Variants in SH3RF2 observed in about 807,000 individuals in gnomAD.
The protein encoded by SH3RF2 is E3 ubiquitin-protein ligase SH3RF2.
In SH3RF2, 43 loss-of-function variants were observed where a neutral mutation model predicts 59.0. The observed-to-expected ratio is 0.73, with a 90% confidence interval of 0.57 to 0.94. SH3RF2 has a LOEUF of 0.94. SH3RF2 is among the 40% of genes least tolerant of loss of function. The pLI, the probability that SH3RF2 is intolerant of heterozygous loss-of-function variation, is 0.00. For missense variants in SH3RF2, 930 were observed against 940.1 expected (o/e 0.99, Z 0.14); for synonymous variants, 391 against 391.5 (o/e 1.00, Z 0.01).
chr5:145,971,375 G>A (rs1759073769), intron 2 of SH3RF2, among the ~76,000 whole-genome samples: 1 of 152,200 alleles, frequency 6.6e-6, no homozygotes, highest in African/African-American at 2.4e-5. Context: ...GGAGCTAGTT[G>A]AGGAAAAAAG....
At chr5:146,015,178 TC>T (rs1761055795) in intron 5 of SH3RF2, among the ~76,000 whole-genome samples, 1 of 152,094 alleles carries the variant, frequency 6.6e-6, no homozygotes, top group East Asian at 1.9e-4. Flanking sequence ...AGTCAAGGGC[TC>T]CTCAAAGACC....
intron 7 of SH3RF2, among the ~76,000 whole-genome samples, chr5:146,050,706 T>C (rs551109711): frequency 6.6e-6 from 1 of 152,368 alleles, no homozygotes; most frequent in Admixed American, 6.5e-5. Context: ...GCTTACATTC[T>C]AGTGGGAGAG....
intron 5 of SH3RF2, 83 bp from the exon 6 acceptor site, chr5:146,047,689 T>C (rs950714761): frequency 1.7e-5 from 23 of 1,322,916 alleles, no homozygotes; most frequent in East Asian, 2.4e-5. Flanking sequence ...GTGTCAGGTC[T>C]TTCTACGTAG....
At chr5:145,960,199 T>C (rs2149953220) in intron 2 of SH3RF2, among the ~76,000 whole-genome samples, 1 of 152,300 alleles carries the variant, frequency 6.6e-6, no homozygotes, top group South Asian at 2.1e-4. Context: ...ACTATAGGAA[T>C]GTGCCACTAT....
intron 2 of SH3RF2, among the ~76,000 whole-genome samples, chr5:145,999,698 A>C (rs1760315913): frequency 6.6e-6 from 1 of 152,088 alleles, no homozygotes; most frequent in Non-Finnish European, 1.5e-5. Context: ...TTTATCGACG[A>C]AGTTTGCTGT....
intron 2 of SH3RF2, among the ~76,000 whole-genome samples, chr5:145,992,710 A>G (rs898769005): frequency 1.3e-4 from 20 of 152,138 alleles, no homozygotes; most frequent in Non-Finnish European, 8.8e-5. Context: ...CTTATTCACT[A>G]TCATAAGAAC....
At chr5:145,952,199 A>G (rs1458168983) in intron 2 of SH3RF2, among the ~76,000 whole-genome samples, 2 of 152,076 alleles carry the variant, frequency 1.3e-5, no homozygotes, top group East Asian at 3.9e-4. Flanking sequence ...CTCTCTTTAA[A>G]CCACCTGTAA....
exon 10 of SH3RF2, chr5:146,079,823 G>C (rs556554324): frequency 6.6e-6 from 1 of 152,378 alleles, no homozygotes; most frequent in East Asian, 1.9e-4. Context: ...CCAAGTGGTA[G>C]GTGAGAAGGG....
At chr5:146,005,138 CT>C (rs1255237244) in intron 4 of SH3RF2, among the ~76,000 whole-genome samples, 1 of 151,810 alleles carries the variant, frequency 6.6e-6, no homozygotes, top group Non-Finnish European at 1.5e-5. Flanking sequence ...ATATTTATTA[CT>C]TCTGTTTTTT....
intron 9 of SH3RF2, 118 bp from the exon 10 acceptor site, chr5:146,062,308 G>C (rs1580943484): frequency 7.7e-7 from 1 of 1,303,560 alleles, no homozygotes; most frequent in South Asian, 1.4e-5. Flanking sequence ...GACACTCATG[G>C]TAGCCACAGA....
intron 9 of SH3RF2, among the ~76,000 whole-genome samples, chr5:146,078,040 CT>C (rs777798448): frequency 1.3e-5 from 2 of 152,032 alleles, no homozygotes; most frequent in Non-Finnish European, 2.9e-5. Context: ...AAAGCTCTCC[CT>C]TATGGTCAAG....
intron 5 of SH3RF2, chr5:146,043,871 G>T (rs1303022386): frequency 6.6e-6 from 1 of 152,114 alleles, no homozygotes; most frequent in African/African-American, 2.4e-5. Context: ...GGCATTTGGG[G>T]GTGTTTCTAG....
At chr5:145,989,556 A>G (rs1028688816) in intron 2 of SH3RF2, among the ~76,000 whole-genome samples, 1 of 152,356 alleles carries the variant, frequency 6.6e-6, no homozygotes. Context: ...GAAATGATAC[A>G]TAACTTGAGT....
chr5:145,999,478 A>G (rs1008056544), intron 2 of SH3RF2, among the ~76,000 whole-genome samples: 5 of 152,192 alleles, frequency 3.3e-5, no homozygotes, highest in Non-Finnish European at 5.9e-5. Context: ...AGCTTTAGTC[A>G]TGCCTTCCTC....
At chr5:146,039,562 A>T (rs989122410) in intron 5 of SH3RF2, among the ~76,000 whole-genome samples, 4 of 152,098 alleles carry the variant, frequency 2.6e-5, no homozygotes, top group Admixed American at 2.0e-4. Context: ...AGCATTTCAC[A>T]CCCACCCAAT....
chr5:145,936,629 CGCAGCGCACCCCTGCT>C lies in SH3RF2; in HGVS notation c.-169_-154del, dbSNP rs1757594527. 2 of 152,592 alleles carry C rather than the reference CGCAGCGCACCCCTGCT, an allele frequency of 1.3e-5. No homozygotes were observed. Among genetic ancestry groups the C allele is most frequent in the East Asian group, 3.9e-4 (2 of 5,184 alleles). 9.5% of individuals were successfully genotyped at this position (152,592 alleles called of 1,614,324 possible). A position where few individuals can be genotyped will look rare whatever the true frequency, so the allele number is the denominator to read the frequency against. ...GGAGGAAAGGAAGCCGGTTGGAGGG[CGCAGCGCACCCCTGCT>C]GCGCGGAGGAGGGGGCTGAGCTGAA... On this transcript the variant is annotated 5_prime_UTR_variant, in exon 1 of 10. Transcript: ENST00000359120.
At chr5:146,026,706 G>C (rs1378165164) in intron 5 of SH3RF2, among the ~76,000 whole-genome samples, 2 of 152,106 alleles carry the variant, frequency 1.3e-5, no homozygotes, top group African/African-American at 4.8e-5. Context: ...AGTATAGTAA[G>C]GAAATAAAAA....
chr5:146,064,768 AAGGAAG>A (rs1561773633), downstream of SH3RF2, among the ~76,000 whole-genome samples: 9 of 42,548 alleles, frequency 2.1e-4, no homozygotes, highest in African/African-American at 7.5e-4. Context: ...GGAAGGAAGG[AAGGAAG>A]GAAAGGAAGG....
Position 146,013,848 on chromosome 5 carries a change from G to A in SH3RF2, c.846G>A (p.Thr282=), listed in dbSNP as rs781519837. The A allele has an allele frequency of 1.2e-5, 20 of 1,613,998 alleles. No homozygotes were observed. The highest frequency in any genetic ancestry group is 6.7e-5 in the African/African-American group (5 of 74,890). The change falls in exon 5 of 10, where the codon ACG becomes ACA. Residue 282 remains threonine (T), a synonymous_variant. Coordinates refer to ENST00000359120, the MANE Select transcript of SH3RF2 (RefSeq NM_152550.4). ...TGTCCTCGTCCTCCAGAGGCAACAC[G>A]TCTACCCTCCGTAGGGGCCCAGGGT... The part of the protein sequence containing the change: ...SLVSSSSRGN[T]STLRRGPGSR...
Sources: gnomAD v4.1 joint callset for allele counts (sites outside exome capture counted in the v4.1 genomes callset) on GRCh38, gnomAD v4.1.1 for gene constraint, MANE v1.5 for transcripts, NCBI Gene and HGNC (gene_info 2026-07-23, HGNC 2026-07-21) for gene names.